SLC5A7: variants seen among roughly 807,000 people sequenced by gnomAD.
SLC5A7 encodes solute carrier family 5 member 7.
A neutral mutation model predicts 55.4 loss-of-function variants in SLC5A7; 19 were observed. The observed-to-expected ratio is 0.34, with a 90% CI of 0.24 to 0.50. The LOEUF is 0.50. SLC5A7 is among the 20% of genes least tolerant of loss of function. SLC5A7 has a pLI of 0.98. For missense variants in SLC5A7, 506 were observed against 705.3 expected (o/e 0.72, Z 3.20); for synonymous variants, 265 against 263.7 (o/e 1.00, Z -0.05).
rs371419622 is a variant in SLC5A7, at chr2:107,993,464, A to G, written c.448+337A>G. 2.2e-3 allele frequency among the ~76,000 whole-genome samples: 330 copies of G among 152,374 alleles called. 1 individual carries two copies. Among genetic ancestry groups the G allele is most frequent in the African/African-American group, 7.6e-3 (318 of 41,588 alleles). ...AGCTAAAAAGTGCAGTTTACTTAAC[A>G]TAAATGTTTAAAACAAGGATTCATG... On this transcript the variant is annotated intron_variant, in intron 4 of 8. Transcript: ENST00000264047.
At chr2:108,003,829 G>A (rs1225831241) in intron 6 of SLC5A7, among the ~76,000 whole-genome samples, 2 of 152,206 alleles carry the variant, frequency 1.3e-5, no homozygotes, top group Non-Finnish European at 2.9e-5. Flanking sequence ...TAGACTGGGT[G>A]ATGTACAAAC....
In SLC5A7 at chr2:108,006,369, C is replaced by T. The variant is rs532996684; in HGVS notation, c.895+167C>T. The stretch of plus-strand genomic sequence containing the variant: ...CAGTAAATCGTATTATATAGTTCAG[C>T]GGCCTCCATTTTTTTTTTTTTTTTT... On this transcript the variant is annotated intron_variant, in intron 7 of 8. Coordinates refer to ENST00000264047, the MANE Select transcript of SLC5A7 (RefSeq NM_021815.5). Among the ~76,000 whole-genome samples the T allele has an allele frequency of 2.7e-3, 410 of 149,186 alleles. 2 individuals carry two copies. The highest frequency in any genetic ancestry group is 9.0e-3 in the African/African-American group (364 of 40,432).
chr2:108,001,805 T>C, intron 5 of SLC5A7, 92 bp from the exon 6 acceptor site: 1 of 1,346,806 alleles, frequency 7.4e-7, no homozygotes, highest in South Asian at 1.4e-5. Flanking sequence ...GAGGAACTAC[T>C]GAGCTGTGCA....
intron 4 of SLC5A7, among the ~76,000 whole-genome samples, chr2:107,996,365 C>G (rs1677671262): frequency 6.6e-6 from 1 of 152,110 alleles, no homozygotes; most frequent in African/African-American, 2.4e-5. Flanking sequence ...GATCTTTACT[C>G]TGGAAAATAA....
chr2:108,011,020 T>C lies in SLC5A7; in HGVS notation c.*159T>C. 2 of 690,004 alleles carry C rather than the reference T, an allele frequency of 2.9e-6. No individual in the cohort carries two copies. Among genetic ancestry groups the C allele is most frequent in the Non-Finnish European group, 4.3e-6 (2 of 468,906 alleles). The allele number at this position is 690,004 out of a possible 1,614,324, so 42.7% of individuals were successfully genotyped here. ...GCAATTGCACAAATACAAGCCAAGC[T>C]AGAAGGAAGCACCTATGAAAGCAAC... On this transcript the variant is annotated 3_prime_UTR_variant, in exon 9 of 9. Coordinates refer to ENST00000264047, the MANE Select transcript of SLC5A7 (RefSeq NM_021815.5).
chr2:108,010,480 G>C lies in SLC5A7; in HGVS notation c.1362G>C (p.Leu454=), dbSNP rs561099749. The C allele has an allele frequency of 6.2e-7, 1 of 1,613,920 alleles. No individual in the cohort carries two copies. Among genetic ancestry groups the C allele is most frequent in the East Asian group, 2.2e-5 (1 of 44,866 alleles). The change falls in exon 9 of 9, where the codon CTG becomes CTC. Residue 454 remains leucine, a synonymous_variant. Transcript: ENST00000264047. ...FLRITGGEPY[L]YLQPLIFYPG... is the part of the protein sequence containing the mutation. ...GAATAACTGGAGGGGAGCCATATCT[G>C]TATCTTCAGCCCTTGATCTTCTACC... is the stretch of plus-strand genomic sequence containing the variant.
At chr2:107,992,420 T>C (rs1049602072) in intron 3 of SLC5A7, among the ~76,000 whole-genome samples, 2 of 152,202 alleles carry the variant, frequency 1.3e-5, no homozygotes, top group Non-Finnish European at 2.9e-5. Context: ...TGGTTAGGAA[T>C]ATATTTAAAA....
Position 108,002,337 on chromosome 2 carries a change from A to G in SLC5A7, c.741+297A>G, listed in dbSNP as rs188223136. On this transcript the variant is annotated intron_variant, in intron 6 of 8. Transcript: ENST00000264047. Reference sequence around the variant, plus strand: ...TGCCCTACCCCCAGGACTTTCCCCAACCTGAAGGCAAAACCTTGTAAAGGC... The same window carrying G: ...TGCCCTACCCCCAGGACTTTCCCCAGCCTGAAGGCAAAACCTTGTAAAGGC... Among the ~76,000 whole-genome samples the G allele has an allele frequency of 1.2e-3, 181 of 152,250 alleles. 1 individual carries two copies. Among genetic ancestry groups the G allele is most frequent in the Admixed American group, 2.0e-3 (30 of 15,286 alleles).
rs374956192 is a variant in SLC5A7, at chr2:108,006,034, G to T, written c.742-15G>T. 1 of 1,613,656 alleles carries T rather than the reference G, an allele frequency of 6.2e-7. No individual in the cohort carries two copies. The highest frequency in any genetic ancestry group is 8.5e-7 in the Non-Finnish European group (1 of 1,179,746). The stretch of plus-strand genomic sequence containing the variant: ...AATAGATGTTTGCCTCTCCATCCTT[G>T]TGTTTCCCGCACAGATGCTGGGTGG... On this transcript the variant is annotated splice_polypyrimidine_tract_variant and intron_variant, in intron 6 of 8. Coordinates refer to ENST00000264047, the MANE Select transcript of SLC5A7 (RefSeq NM_021815.5).
At chr2:108,000,281 T>C (rs920288363) in intron 5 of SLC5A7, among the ~76,000 whole-genome samples, 2 of 152,196 alleles carry the variant, frequency 1.3e-5, no homozygotes, top group Non-Finnish European at 2.9e-5. Flanking sequence ...AAGGCTTATA[T>C]GTCACCCATG....
intron 4 of SLC5A7, 135 bp downstream of exon 4, chr2:107,993,262 A>G (rs574904512): frequency 1.1e-6 from 1 of 915,800 alleles, no homozygotes; most frequent in East Asian, 2.6e-5. Context: ...TTATATGCAT[A>G]AAAGCTTAAT....
chr2:107,986,604 ACG>A lies in SLC5A7; in HGVS notation c.-209_-208del, dbSNP rs1677245828. 6.6e-6 allele frequency: 1 copy of A among 152,638 alleles called. No individual in the cohort carries two copies. The highest frequency in any genetic ancestry group is 1.5e-5 in the Non-Finnish European group (1 of 68,594). The allele number at this position is 152,638 out of a possible 1,614,324, so 9.5% of individuals were successfully genotyped here. ...TCTGCGCGCTCCCAGGTTCTTGGAG[ACG>A]CCGAGTGAGGAGCCGCCCTGACCGC... On this transcript the variant is annotated 5_prime_UTR_variant, in exon 1 of 9. Transcript: ENST00000264047.
intron 2 of SLC5A7, 49 bp from the exon 3 acceptor site, chr2:107,992,057 G>T (rs777627543): frequency 8.3e-7 from 1 of 1,206,422 alleles, no homozygotes; most frequent in Non-Finnish European, 1.2e-6. Context: ...GCAGATGTAG[G>T]TATAACAGGT....
At chr2:107,988,367 T>C in intron 2 of SLC5A7, 34 bp downstream of exon 2, 3 of 1,579,762 alleles carry the variant, frequency 1.9e-6, no homozygotes, top group Non-Finnish European at 2.6e-6. Flanking sequence ...CATGCAGTCC[T>C]CCCTTCCTTG....
chr2:107,992,017 A>G (rs1573591836), intron 2 of SLC5A7, 89 bp from the exon 3 acceptor site: 3 of 662,712 alleles, frequency 4.5e-6, no homozygotes, highest in African/African-American at 3.6e-5. Flanking sequence ...TCAGGTGCTC[A>G]GTAACTTCTA....
In SLC5A7 at chr2:107,992,993, C is replaced by G; in HGVS notation, c.314C>G (p.Pro105Arg). ...LILGGLFFAK[P>R]MRSKGYVTML... Reference sequence around the variant, plus strand: ...TTAGGTGGCCTGTTCTTTGCAAAACCTATGCGTTCAAAGGGGTATGTGACC... The same window carrying G: ...TTAGGTGGCCTGTTCTTTGCAAAACGTATGCGTTCAAAGGGGTATGTGACC... Residue 105 changes from proline to arginine, a missense_variant, in exon 4 of 9, where the codon CCT (proline) becomes CGT (arginine). Pro to Arg is a moderately radical substitution (Grantham distance 103). This residue lies in a region of SLC5A7 where 309 missense variants were observed against 478.6 expected (regional missense o/e 0.65). Coordinates refer to ENST00000264047, the MANE Select transcript of SLC5A7 (RefSeq NM_021815.5). 10 of 1,614,160 alleles carry G rather than the reference C, an allele frequency of 6.2e-6. No individual in the cohort carries two copies. Among genetic ancestry groups the G allele is most frequent in the African/African-American group, 1.3e-5 (1 of 75,052 alleles).
At chr2:108,010,141 A>G in intron 8 of SLC5A7, 91 bp from the exon 9 acceptor site, 3 of 1,463,174 alleles carry the variant, frequency 2.1e-6, no homozygotes, top group Non-Finnish European at 2.8e-6. Flanking sequence ...AATTCTTTAG[A>G]CCAGTTTTGA....
intron 4 of SLC5A7, among the ~76,000 whole-genome samples, chr2:107,994,819 A>C (rs1302307781): frequency 6.6e-6 from 1 of 152,202 alleles, no homozygotes; most frequent in Non-Finnish European, 1.5e-5. Context: ...GGTATCAAAA[A>C]AGGAGTGGGC....
chr2:108,005,671 G>A (rs1161665950), intron 6 of SLC5A7, among the ~76,000 whole-genome samples: 1 of 152,182 alleles, frequency 6.6e-6, no homozygotes, highest in African/African-American at 2.4e-5. Flanking sequence ...GGTGCCGGCA[G>A]ATTCACTGCC....
Sources: allele counts gnomAD v4.1 joint callset (sites outside exome capture counted in the v4.1 genomes callset), GRCh38; gene constraint gnomAD v4.1.1; regional missense constraint gnomAD v4.1.1; transcripts MANE v1.5; gene names NCBI Gene and HGNC (gene_info 2026-07-23, HGNC 2026-07-21).